NBEAL1: variants seen among roughly 807,000 people sequenced by gnomAD.
NBEAL1 encodes the protein neurobeachin-like protein 1.
In NBEAL1, 273 loss-of-function variants were observed where a neutral mutation model predicts 351.3. That is an observed-to-expected ratio of 0.78 (90% CI 0.70 to 0.86). The LOEUF (loss-of-function observed/expected upper bound fraction) is 0.86, where lower values mean the gene tolerates loss of function less well. Among genes scored for constraint, NBEAL1 ranks in the 40% least tolerant of loss-of-function variants. The pLI is 0.00. For synonymous variants in NBEAL1, 1,050 were observed against 1,086.4 expected (o/e 0.97, Z 0.66); for missense variants, 2,961 against 3,201.3 (o/e 0.92, Z 1.81).
chr2:203,221,489 A>G lies in NBEAL1; in HGVS notation c.*4135A>G, dbSNP rs553067500. ...CTTCTGGAAACAGGTTCTTGAACCT[A>G]TCTTTAGGATACAGTTTTTGACTGG... is the stretch of plus-strand genomic sequence containing the variant. On this transcript the variant is annotated 3_prime_UTR_variant, in exon 56 of 56. Transcript: ENST00000683969. Among the ~76,000 whole-genome samples, 15 of 152,240 alleles carry G rather than the reference A, an allele frequency of 9.9e-5. No homozygotes were observed. In the East Asian group the frequency reaches 1.7e-3, roughly 18 times the overall value.
chr2:203,071,059 G>A (rs1018189629), intron 7 of NBEAL1, among the ~76,000 whole-genome samples: 1 of 152,112 alleles, frequency 6.6e-6, no homozygotes, highest in African/African-American at 2.4e-5. Context: ...TCCTTTTTAT[G>A]TAATACTGCA....
chr2:203,046,075 G>T (rs774258856), intron 3 of NBEAL1, among the ~76,000 whole-genome samples: 7 of 152,132 alleles, frequency 4.6e-5, no homozygotes, highest in Non-Finnish European at 1.0e-4. Context: ...AGCCCTTTGG[G>T]AGGCCAAGGT....
At chr2:203,169,680 G>A (rs2064258245) in intron 38 of NBEAL1, 67 bp from the exon 39 acceptor site, 2 of 759,758 alleles carry the variant, frequency 2.6e-6, no homozygotes, top group Admixed American at 4.9e-5. Flanking sequence ...TACAGCTATT[G>A]TGACTACCAT....
At chr2:203,108,556 G>A (rs1400941478) in intron 14 of NBEAL1, among the ~76,000 whole-genome samples, 4 of 151,678 alleles carry the variant, frequency 2.6e-5, no homozygotes, top group African/African-American at 9.7e-5. Flanking sequence ...CCGCCACCAC[G>A]CCCAGCTAAT....
chr2:203,042,274 A>G (rs765428740), intron 3 of NBEAL1, among the ~76,000 whole-genome samples: 2 of 152,216 alleles, frequency 1.3e-5, no homozygotes, highest in Admixed American at 6.5e-5. Flanking sequence ...AACTCACTAC[A>G]CTGACTTGAA....
intron 4 of NBEAL1, 80 bp downstream of exon 4, chr2:203,050,055 A>G: frequency 7.6e-7 from 1 of 1,308,948 alleles, no homozygotes; most frequent in Non-Finnish European, 1.1e-6. Flanking sequence ...TGAGGAGGGG[A>G]ACATCACACA....
At chr2:203,200,931 A>T (rs181459237) in intron 49 of NBEAL1, among the ~76,000 whole-genome samples, 309 of 152,354 alleles carry the variant, frequency 2.0e-3, no homozygotes, top group Non-Finnish European at 3.6e-3. Flanking sequence ...TTGAACAATA[A>T]AGTTTTATAG....
chr2:203,154,934 C>CAAAAAAA (rs55890648), intron 35 of NBEAL1, among the ~76,000 whole-genome samples: 1 of 92,722 alleles, frequency 1.1e-5, no homozygotes, highest in Non-Finnish European at 2.0e-5. Flanking sequence ...GACCTTGTCT[C>CAAAAAAA]AAAAAAAAAA....
chr2:203,136,633 A>G lies in NBEAL1; in HGVS notation c.4424A>G (p.His1475Arg). 2 of 1,611,888 alleles carry G rather than the reference A, an allele frequency of 1.2e-6. No homozygotes were observed. The highest frequency in any genetic ancestry group is 1.1e-5 in the South Asian group (1 of 90,508). ...CEEELLQLLT[H>R]ILNYVMCKGL... is the part of the protein sequence containing the mutation. ...GAGGAGCTTCTTCAATTACTGACAC[A>G]TATTTTGAATTATGTAATGTGTAAG... Residue 1475 changes from histidine (H) to arginine (R), a missense_variant, in exon 29 of 56, where the codon CAT becomes CGT. Transcript: ENST00000683969.
chr2:203,166,243 G>T lies in NBEAL1; in HGVS notation c.5809G>T (p.Glu1937Ter), dbSNP rs1290540078. The T allele has an allele frequency of 2.5e-6, 4 of 1,611,486 alleles. No individual in the cohort carries two copies. The highest frequency in any genetic ancestry group is 3.4e-6 in the Non-Finnish European group (4 of 1,179,276). ...AATTGATGTAATTCCTGGCAGATTAGAAATCACTACTCAACACATTTACTT... is the reference window on the plus strand; with the variant it reads ...AATTGATGTAATTCCTGGCAGATTATAAATCACTACTCAACACATTTACTT... ...TIIDVIPGRL[E>*]ITTQHIYFYD... is the part of the protein sequence containing the mutation. Residue 1937 changes from glutamate to a stop codon, truncating the protein, a stop_gained, in exon 37 of 56, where the codon GAA becomes TAA. Transcript: ENST00000683969. LOFTEE classifies it high-confidence loss of function.
At chr2:203,207,584 C>T (rs1386409734) in intron 51 of NBEAL1, among the ~76,000 whole-genome samples, 3 of 152,208 alleles carry the variant, frequency 2.0e-5, no homozygotes, top group African/African-American at 4.8e-5. Context: ...ATTCTTCTGC[C>T]TTGGGATCCT....
At chr2:203,132,370 A>G (rs531936789) in intron 26 of NBEAL1, among the ~76,000 whole-genome samples, 2 of 152,390 alleles carry the variant, frequency 1.3e-5, no homozygotes, top group South Asian at 4.1e-4. Flanking sequence ...CCACGGAACA[A>G]GAAAAGGACA....
intron 15 of NBEAL1, among the ~76,000 whole-genome samples, chr2:203,110,758 T>A: frequency 1.5e-5 from 1 of 67,464 alleles, no homozygotes. Context: ...TAAGTAAATT[T>A]TCTTTTTTCT....
At chr2:203,207,353 C>A (rs1189615803) in intron 51 of NBEAL1, among the ~76,000 whole-genome samples, 1 of 152,216 alleles carries the variant, frequency 6.6e-6, no homozygotes, top group Non-Finnish European at 1.5e-5. Flanking sequence ...TCTGCCCGGC[C>A]GCCCCTACTG....
At chr2:203,159,008 A>G (rs180990529) in intron 36 of NBEAL1, among the ~76,000 whole-genome samples, 17 of 151,840 alleles carry the variant, frequency 1.1e-4, no homozygotes, top group African/African-American at 4.1e-4. Context: ...TTACGGAGAC[A>G]GGGTCTCACT....
At chr2:203,097,091 G>T (rs1001452285) in intron 10 of NBEAL1, among the ~76,000 whole-genome samples, 1 of 152,218 alleles carries the variant, frequency 6.6e-6, no homozygotes, top group African/African-American at 2.4e-5. Context: ...AGAGAAGAGA[G>T]ATTGTGCAGG....
chr2:203,081,307 C>T (rs1371014947), intron 8 of NBEAL1, among the ~76,000 whole-genome samples: 2 of 152,130 alleles, frequency 1.3e-5, no homozygotes, highest in Non-Finnish European at 2.9e-5. Context: ...ATGTTAAAAA[C>T]AAAGATTTTG....
Position 203,209,339 on chromosome 2 carries a change from G to T in NBEAL1, c.7785+17G>T, listed in dbSNP as rs150651386. 1.3e-6 allele frequency: 2 copies of T among 1,598,506 alleles called. No individual in the cohort carries two copies. Among genetic ancestry groups the T allele is most frequent in the African/African-American group, 2.7e-5 (2 of 74,738 alleles). On this transcript the variant is annotated intron_variant, in intron 53 of 55. Coordinates refer to ENST00000683969, the MANE Select transcript of NBEAL1 (RefSeq NM_001378026.1). ...ACCCTCAAGGTATATGACCTTTCAT[G>T]CAATAGAGGTAGACTCCCAATAGCA...
rs1244284361 is a variant in NBEAL1, at chr2:203,047,226, G to A, written c.144-2588G>A. ...CACCTCCAGCCTGGGCAACAAGAGC[G>A]AAACTCCATCTCAAAAAAAAAAAAA... On this transcript the variant is annotated intron_variant, in intron 3 of 55. Transcript: ENST00000683969. 6.1e-5 allele frequency among the ~76,000 whole-genome samples: 9 copies of A among 147,576 alleles called. 1 individual carries two copies. In the South Asian group the frequency reaches 1.1e-3, roughly 17 times the overall value.
Sources: allele counts gnomAD v4.1 joint callset (sites outside exome capture counted in the v4.1 genomes callset), GRCh38; gene constraint gnomAD v4.1.1; transcripts MANE v1.5; gene names NCBI Gene and HGNC (gene_info 2026-07-23, HGNC 2026-07-21).